Variants in ARHGAP32 observed in about 807,000 individuals in gnomAD.
The protein encoded by ARHGAP32 is Rho GTPase activating protein 32, also known as rho GTPase-activating protein 32.
ARHGAP32 carries 51 observed loss-of-function variants against 186.5 expected under a neutral mutation model. The observed-to-expected ratio is 0.27, with a 90% CI of 0.22 to 0.35. ARHGAP32 has a LOEUF of 0.35. Ranked by LOEUF, ARHGAP32 falls within the 10% of genes least tolerant of loss-of-function variation. ARHGAP32 has a pLI of 1.00. For synonymous variants in ARHGAP32, 950 were observed against 964.3 expected (o/e 0.99, Z 0.27); for missense variants, 2,186 against 2,623.5 (o/e 0.83, Z 3.64).
chr11:129,024,940 A>G (rs1268920863), intron 11 of ARHGAP32, among the ~76,000 whole-genome samples: 1 of 152,226 alleles, frequency 6.6e-6, no homozygotes, highest in Non-Finnish European at 1.5e-5. Flanking sequence ...TCTACTAAAT[A>G]ATAATACTGA....
In ARHGAP32 at chr11:129,095,162, T is replaced by G. The variant is rs141370359; in HGVS notation, c.445-1455A>C. Among the ~76,000 whole-genome samples, 130 of 152,094 alleles carry G rather than the reference T, an allele frequency of 8.5e-4. 1 individual carries two copies. Among genetic ancestry groups the G allele is most frequent in the African/African-American group, 3.0e-3 (126 of 41,508 alleles). ...ATAAAAGCATAGTTTAAAAAAGAAATAAAATAATTAAGGGTGAAAAGAAAC... is the reference window on the plus strand; with the variant it reads ...ATAAAAGCATAGTTTAAAAAAGAAAGAAAATAATTAAGGGTGAAAAGAAAC... On this transcript the variant is annotated intron_variant, in intron 5 of 22. Coordinates refer to ENST00000682385, the MANE Select transcript of ARHGAP32 (RefSeq NM_001378024.1).
chr11:129,178,830 C>T (rs1289383333), intron 1 of ARHGAP32, among the ~76,000 whole-genome samples: 2 of 150,706 alleles, frequency 1.3e-5, no homozygotes, highest in African/African-American at 2.4e-5. Flanking sequence ...GACCTAAAAC[C>T]ATAAAAACCC....
At chr11:129,131,914 T>C (rs1942819100) in intron 2 of ARHGAP32, among the ~76,000 whole-genome samples, 1 of 152,204 alleles carries the variant, frequency 6.6e-6, no homozygotes, top group African/African-American at 2.4e-5. Flanking sequence ...GGAAAAATAG[T>C]GCAAGACAAG....
intron 10 of ARHGAP32, among the ~76,000 whole-genome samples, chr11:129,054,017 T>C (rs1205076218): frequency 6.6e-6 from 1 of 152,020 alleles, no homozygotes; most frequent in Admixed American, 6.5e-5. Context: ...GAAATAAAGA[T>C]GATTTCTCTA....
chr11:129,154,562 G>T (rs533049543), intron 2 of ARHGAP32, among the ~76,000 whole-genome samples: 1 of 152,262 alleles, frequency 6.6e-6, no homozygotes, highest in South Asian at 2.1e-4. Flanking sequence ...AAAAAGGAAT[G>T]AAATAATGGC....
rs1215785195 is a variant in ARHGAP32, at chr11:128,969,124, C to G, written c.6089G>C (p.Ser2030Thr). Residue 2030 changes from serine to threonine, a missense_variant, in exon 23 of 23, where the codon AGT becomes ACT. Physicochemically the swap from Ser to Thr is moderately conservative, Grantham distance 58. Coordinates refer to ENST00000682385, the MANE Select transcript of ARHGAP32 (RefSeq NM_001378024.1). The surrounding 1 kb of genome is among the most constrained non-coding windows in gnomAD (Gnocchi z 4.8). Reference protein sequence around the residue: ...QYQPHGKRQSSVTVVSQYDNL... With the variant: ...QYQPHGKRQSTVTVVSQYDNL... ...ATCATACTGGGACACAACAGTCACACTGCTCTGGCGCTTGCCGTGTGGTTG... is the reference window on the plus strand; with the variant it reads ...ATCATACTGGGACACAACAGTCACAGTGCTCTGGCGCTTGCCGTGTGGTTG... 3.1e-6 allele frequency: 5 copies of G among 1,605,032 alleles called. No individual in the cohort carries two copies. The highest frequency in any genetic ancestry group is 4.3e-6 in the Non-Finnish European group (5 of 1,173,790).
intron 10 of ARHGAP32, among the ~76,000 whole-genome samples, chr11:129,044,738 C>T (rs1786465): frequency 0.64 from 97,127 of 151,932 alleles, 31,393 homozygotes; most frequent in Middle Eastern, 0.71. Context: ...ACTTGGCTCA[C>T]CCATTTACTA....
intron 1 of ARHGAP32, among the ~76,000 whole-genome samples, chr11:129,177,081 G>T (rs1237575813): frequency 4.6e-5 from 7 of 150,784 alleles, no homozygotes; most frequent in Middle Eastern, 3.4e-3. Flanking sequence ...TCAAATAGAC[G>T]CAATAAAAAA....
chr11:129,031,785 C>T (rs980329116), intron 11 of ARHGAP32, among the ~76,000 whole-genome samples: 3 of 152,204 alleles, frequency 2.0e-5, no homozygotes, highest in African/African-American at 7.2e-5. Context: ...CCAAAACCAC[C>T]TTGGCCTGAC....
intron 2 of ARHGAP32, among the ~76,000 whole-genome samples, chr11:129,161,043 A>T (rs930205632): frequency 1.1e-4 from 16 of 152,178 alleles, no homozygotes; most frequent in African/African-American, 3.4e-4. Context: ...TGACAAAAAC[A>T]AGCTATGGGG....
intron 1 of ARHGAP32, among the ~76,000 whole-genome samples, chr11:129,230,733 CAGGA>C (rs1406179496): frequency 6.6e-6 from 1 of 152,102 alleles, no homozygotes; most frequent in African/African-American, 2.4e-5. Context: ...ATTATTTCAA[CAGGA>C]ACCATATCAA....
intron 5 of ARHGAP32, among the ~76,000 whole-genome samples, chr11:129,115,389 TAG>T (rs760061044): frequency 2.0e-5 from 3 of 152,120 alleles, no homozygotes; most frequent in Non-Finnish European, 4.4e-5. Context: ...AGGAAAAAGC[TAG>T]AGACCTACAA....
rs1378904681 is a variant in ARHGAP32 at position 128,967,806 on chromosome 11, T to C, written c.*1101A>G. ...CAGGAACTTGCAGTCTAATAATAGA[T>C]AATGCGTAGCTACTTAAATTCCCAG... On this transcript the variant is annotated 3_prime_UTR_variant, in exon 23 of 23. Coordinates refer to ENST00000682385, the MANE Select transcript of ARHGAP32 (RefSeq NM_001378024.1). 1 of 152,018 alleles carries C rather than the reference T, an allele frequency of 6.6e-6. No homozygotes were observed. The highest frequency in any genetic ancestry group is 2.4e-5 in the African/African-American group (1 of 41,368). The allele number at this position is 152,018 out of a possible 1,614,324, so 9.4% of individuals were successfully genotyped here. A position where few individuals can be genotyped will look rare whatever the true frequency, so the allele number is the denominator to read the frequency against.
chr11:129,041,055 C>T (rs750858362), intron 10 of ARHGAP32, 46 bp from the exon 11 acceptor site: 33 of 1,329,848 alleles, frequency 2.5e-5, no homozygotes, highest in East Asian at 2.5e-5. Flanking sequence ...GCAAACAGAC[C>T]AATTATGTGA....
chr11:129,233,542 C>T (rs1227512305), intron 1 of ARHGAP32, among the ~76,000 whole-genome samples: 1 of 151,736 alleles, frequency 6.6e-6, no homozygotes, highest in African/African-American at 2.4e-5. Flanking sequence ...ACTCACTTTT[C>T]GGATGCCTTA....
chr11:129,185,776 T>A (rs539860042), intron 1 of ARHGAP32, among the ~76,000 whole-genome samples: 1 of 151,738 alleles, frequency 6.6e-6, no homozygotes, highest in African/African-American at 2.4e-5. Context: ...GGAAGAGAAG[T>A]AGAGGAGAAG....
chr11:129,214,532 G>A (rs1440396371), intron 1 of ARHGAP32, among the ~76,000 whole-genome samples: 1 of 152,192 alleles, frequency 6.6e-6, no homozygotes, highest in Non-Finnish European at 1.5e-5. Flanking sequence ...CTCACTTTCA[G>A]CACAGAGAGA....
chr11:129,063,108 T>C (rs889226390), intron 9 of ARHGAP32, among the ~76,000 whole-genome samples: 2 of 152,192 alleles, frequency 1.3e-5, no homozygotes, highest in African/African-American at 4.8e-5. Flanking sequence ...TTCAGAGCAA[T>C]GTTACTAACA....
intron 1 of ARHGAP32, among the ~76,000 whole-genome samples, chr11:129,274,401 T>C (rs1460958584): frequency 6.6e-6 from 1 of 152,188 alleles, no homozygotes; most frequent in Non-Finnish European, 1.5e-5. Flanking sequence ...CCTGGTTTTG[T>C]GGAAGAGCCC....
Sources: gnomAD v4.1 joint callset for allele counts (sites outside exome capture counted in the v4.1 genomes callset) on GRCh38, gnomAD v4.1.1 for gene constraint, Gnocchi (gnomAD v3.1) non-coding constraint, MANE v1.5 for transcripts, NCBI Gene and HGNC (gene_info 2026-07-23, HGNC 2026-07-21) for gene names.